ATM: variants seen among roughly 807,000 people sequenced by gnomAD.
ATM encodes the protein serine-protein kinase ATM.
In ATM, 308 loss-of-function variants were observed where a neutral mutation model predicts 387.0. That is an observed-to-expected ratio of 0.80 (90% CI 0.73 to 0.87). The LOEUF (loss-of-function observed/expected upper bound fraction) is 0.87, where lower values mean the gene tolerates loss of function less well. Among genes scored for constraint, ATM ranks in the 40% least tolerant of loss-of-function variants. ATM has a pLI of 0.00. For missense variants in ATM, 3,312 were observed against 3,560.9 expected (o/e 0.93, Z 1.78); for synonymous variants, 1,156 against 1,187.3 (o/e 0.97, Z 0.54).
intron 21 of ATM, 36 bp downstream of exon 21, chr11:108,272,643 G>T: frequency 1.2e-6 from 2 of 1,612,652 alleles, no homozygotes; most frequent in Non-Finnish European, 1.7e-6. Context: ...GATCTCCATT[G>T]AAAATTTTAA....
intron 26 of ATM, among the ~76,000 whole-genome samples, chr11:108,286,186 G>T (rs776745669): frequency 6.6e-6 from 1 of 151,842 alleles, no homozygotes; most frequent in Non-Finnish European, 1.5e-5. Flanking sequence ...GGTGGTGTGT[G>T]CCTGTAATCC....
intron 26 of ATM, among the ~76,000 whole-genome samples, chr11:108,286,514 A>C (rs544752343): frequency 4.5e-4 from 68 of 152,202 alleles, no homozygotes; most frequent in African/African-American, 1.4e-3. Flanking sequence ...TCCATTGGTT[A>C]CTTGGTATAC....
At chr11:108,276,969 A>G (rs1015223482) in intron 22 of ATM, among the ~76,000 whole-genome samples, 3 of 151,480 alleles carry the variant, frequency 2.0e-5, no homozygotes, top group Admixed American at 1.3e-4. Context: ...GCCCACAACC[A>G]CCCCTTTCCC....
intron 55 of ATM, among the ~76,000 whole-genome samples, chr11:108,335,587 T>G (rs2086750480): frequency 6.6e-6 from 1 of 152,196 alleles, no homozygotes; most frequent in Non-Finnish European, 1.5e-5. Flanking sequence ...ACTCAGGTGT[T>G]TGCAGTATGC....
rs2136119917 is a variant in ATM at position 108,315,870 on chromosome 11, G to T, written c.6054G>T (p.Leu2018Phe). The T allele has an allele frequency of 6.2e-7, 1 of 1,613,340 alleles. No homozygotes were observed. Among genetic ancestry groups the T allele is most frequent in the Non-Finnish European group, 8.5e-7 (1 of 1,179,332 alleles). The change falls in exon 41 of 63, where the codon TTG becomes TTT. Residue 2018 changes from leucine (L) to phenylalanine (F), a missense_variant. Leu to Phe is a conservative substitution (Grantham distance 22, BLOSUM62 0). Transcript: ENST00000675843. ...IYRSIGEPDS[L>F]YGCGGGKMLQ... is the part of the protein sequence containing the mutation. ...GAAGTATAGGGGAGCCAGATAGTTT[G>T]TATGGCTGTGGTGGAGGGAAGATGT...
At chr11:108,348,241 A>C (rs1460003610) in intron 59 of ATM, among the ~76,000 whole-genome samples, 3 of 151,866 alleles carry the variant, frequency 2.0e-5, no homozygotes, top group African/African-American at 7.3e-5. Flanking sequence ...TAGACAGTTT[A>C]ATATAAAAGA....
chr11:108,301,025 G>C lies in ATM; in HGVS notation c.5178-623G>C, dbSNP rs529296400. ...AGTCCTCCTGCCTCAGCCTCCTAAT[G>C]TGCAAAGTTTATGTGCTTGAGCCAC... On this transcript the variant is annotated intron_variant, in intron 34 of 62. Coordinates refer to ENST00000675843, the MANE Select transcript of ATM (RefSeq NM_000051.4). Among the ~76,000 whole-genome samples the C allele has an allele frequency of 5.9e-5, 9 of 151,630 alleles. No homozygotes were observed. The East Asian group carries it at 1.7e-3, about 29-fold the overall frequency.
At chr11:108,270,328 C>T (rs1219553176) in intron 18 of ATM, among the ~76,000 whole-genome samples, 2 of 152,146 alleles carry the variant, frequency 1.3e-5, no homozygotes, top group Admixed American at 6.5e-5. Context: ...TCTATTATCC[C>T]CAAGCATTAT....
chr11:108,270,321 A>G (rs757303023), intron 18 of ATM, among the ~76,000 whole-genome samples: 7 of 152,192 alleles, frequency 4.6e-5, no homozygotes, highest in Admixed American at 2.0e-4. Flanking sequence ...CCACTGGTCT[A>G]TTATCCCCAA....
intron 16 of ATM, among the ~76,000 whole-genome samples, chr11:108,264,128 T>G (rs945619727): frequency 6.6e-6 from 1 of 151,906 alleles, no homozygotes; most frequent in African/African-American, 2.4e-5. Flanking sequence ...CTAACTCATT[T>G]TATGAGGCCA....
Position 108,256,190 on chromosome 11 carries a change from A to G in ATM, c.2125-25A>G, listed in dbSNP as rs763998008. ...ACTAAATTATTTATGAAATATATAT[A>G]TTTTTATTTGTGGTTTACTTTAAGA... On this transcript the variant is annotated intron_variant, in intron 13 of 62. Coordinates refer to ENST00000675843, the MANE Select transcript of ATM (RefSeq NM_000051.4). 4.5e-6 allele frequency: 7 copies of G among 1,542,476 alleles called. No homozygotes were observed. In the African/African-American group the frequency reaches 8.3e-5, roughly 18 times the overall value.
At position 108,282,500 on chromosome 11, in the gene ATM, T is replaced by C. The variant is rs796652007; in HGVS notation, c.3577-210T>C. Among the ~76,000 whole-genome samples, 3 of 152,310 alleles carry C rather than the reference T, an allele frequency of 2.0e-5. No homozygotes were observed. The South Asian group carries it at 6.2e-4, about 32-fold the overall frequency. ...CTTAGCATATTTTTATATTTTTATT[T>C]ACTTAACATTTATTAAGGGTTTGCT... On this transcript the variant is annotated intron_variant, in intron 24 of 62. Transcript: ENST00000675843.
intron 58 of ATM, 99 bp downstream of exon 58, chr11:108,346,007 G>A: frequency 1.4e-6 from 2 of 1,388,266 alleles, no homozygotes; most frequent in East Asian, 4.6e-5. Flanking sequence ...AGTTGCAGGG[G>A]GATGATAGTG....
In ATM at chr11:108,271,147, G is replaced by A. The variant is rs587781558; in HGVS notation, c.2921+1G>A. On this transcript the variant is annotated splice_donor_variant, in intron 19 of 62. Coordinates refer to ENST00000675843, the MANE Select transcript of ATM (RefSeq NM_000051.4). LOFTEE classifies it high-confidence loss of function. ...TTCTTGAACTTCTGAAACCACTATC[G>A]TAAGAAATTAAAACCTTATGTTATG... 9.9e-6 allele frequency: 16 copies of A among 1,613,342 alleles called. No individual in the cohort carries two copies. The highest frequency in any genetic ancestry group is 2.7e-5 in the African/African-American group (2 of 74,736).
chr11:108,278,154 A>G (rs893988639), intron 22 of ATM, among the ~76,000 whole-genome samples: 2 of 152,220 alleles, frequency 1.3e-5, no homozygotes, highest in African/African-American at 4.8e-5. Context: ...CAGTCACATA[A>G]AGTATTAAAA....
intron 61 of ATM, among the ~76,000 whole-genome samples, chr11:108,359,701 A>G (rs1431682856): frequency 3.3e-5 from 5 of 152,198 alleles, no homozygotes; most frequent in Admixed American, 2.0e-4. Context: ...TGACTACTGG[A>G]TACATAATGA....
Position 108,267,258 on chromosome 11 carries a change from C to T in ATM, c.2554C>T (p.Gln852Ter), listed in dbSNP as rs758081262. The T allele has an allele frequency of 6.2e-6, 10 of 1,613,900 alleles. No individual in the cohort carries two copies. Among genetic ancestry groups the T allele is most frequent in the Non-Finnish European group, 5.9e-6 (7 of 1,179,832 alleles). The change falls in exon 17 of 63, where the codon CAG becomes TAG. Residue 852 changes from glutamine (Q) to a stop codon, truncating the protein, a stop_gained. Transcript: ENST00000675843. LOFTEE classifies it high-confidence loss of function. ...TNGNLMEVED[Q>*]SSMNLFNDYP... ...TGGAAATCTAATGGAGGTGGAGGATCAGTCATCCATGAATCTATTTAACGA... is the reference window on the plus strand; with the variant it reads ...TGGAAATCTAATGGAGGTGGAGGATTAGTCATCCATGAATCTATTTAACGA...
chr11:108,303,755 C>T (rs1165475808), intron 36 of ATM, among the ~76,000 whole-genome samples: 2 of 152,192 alleles, frequency 1.3e-5, no homozygotes, highest in Non-Finnish European at 2.9e-5. Flanking sequence ...CTACACCGCA[C>T]TCATACCAAT....
intron 29 of ATM, 124 bp downstream of exon 29, chr11:108,289,925 A>G: frequency 1.2e-6 from 1 of 856,476 alleles, no homozygotes; most frequent in Non-Finnish European, 1.8e-6. Context: ...GGGTGCAGTC[A>G]CGGCTCACTG....
Sources: gnomAD v4.1 joint callset for allele counts (sites outside exome capture counted in the v4.1 genomes callset) on GRCh38, gnomAD v4.1.1 for gene constraint, MANE v1.5 for transcripts, NCBI Gene and HGNC (gene_info 2026-07-23, HGNC 2026-07-21) for gene names.